Variants in XK observed in about 807,000 individuals in gnomAD.
XK encodes the protein X-linked Kx blood group antigen, Kell and VPS13A binding protein.
Under a neutral mutation model 14.0 loss-of-function variants are expected in XK, and 2 were observed. That is an observed-to-expected ratio of 0.14 (90% confidence interval 0.06 to 0.45). XK has a LOEUF of 0.45. Among genes scored for constraint, XK ranks in the 20% least tolerant of loss-of-function variants. The probability of loss-of-function intolerance (pLI) is 0.98; values close to 1 mark genes in which losing one functional copy is unlikely to be tolerated. For missense variants in XK, 235 were observed against 341.5 expected (o/e 0.69, Z 2.46); for synonymous variants, 149 against 147.5 (o/e 1.01, Z -0.08).
At chrX:37,688,204 G>A (rs1354230359) in intron 1 of XK, among the ~76,000 whole-genome samples, 4 of 108,275 alleles carry the variant, frequency 3.7e-5, no homozygotes, top group African/African-American at 1.3e-4. Flanking sequence ...GGGACTACAG[G>A]CGCCCGCCAC....
Position 37,729,151 on chromosome X carries a change from G to C in XK, c.*689G>C, listed in dbSNP as rs1286382970. The C allele has an allele frequency of 2.7e-5, 3 of 111,054 alleles. No homozygotes were observed. The highest frequency in any genetic ancestry group is 9.6e-5 in the Admixed American group (1 of 10,419). The allele number at this position is 111,054 out of a possible 1,213,427, so 9.2% of individuals were successfully genotyped here. On this transcript the variant is annotated 3_prime_UTR_variant, in exon 3 of 3. Coordinates refer to ENST00000378616, the MANE Select transcript of XK (RefSeq NM_021083.4). Reference sequence around the variant, plus strand: ...GGCCATGAAAGCCCTGGAATTTTAGGAAAGTTGTGATTCTTTGATATGTTG... The same window carrying C: ...GGCCATGAAAGCCCTGGAATTTTAGCAAAGTTGTGATTCTTTGATATGTTG...
chrX:37,725,146 C>A (rs782000322), intron 2 of XK, among the ~76,000 whole-genome samples: 1 of 111,024 alleles, frequency 9.0e-6, no homozygotes, highest in East Asian at 2.8e-4. Flanking sequence ...ACCAGAGAAT[C>A]GAATGGTAGT....
intron 2 of XK, among the ~76,000 whole-genome samples, chrX:37,702,102 A>G (rs12840180): frequency 9.0e-6 from 1 of 111,533 alleles, no homozygotes; most frequent in Non-Finnish European, 1.9e-5. Flanking sequence ...CGGCCAGGGG[A>G]GGGGGTGCTG....
chrX:37,714,548 G>T (rs915774080), intron 2 of XK, among the ~76,000 whole-genome samples: 1 of 110,767 alleles, frequency 9.0e-6, no homozygotes, highest in East Asian at 2.8e-4. Context: ...AAGAGAATAG[G>T]ATCTTCTGTA....
chrX:37,709,848 G>A (rs1451796250), intron 2 of XK, among the ~76,000 whole-genome samples: 1 of 111,664 alleles, frequency 9.0e-6, no homozygotes, highest in Non-Finnish European at 1.9e-5. Flanking sequence ...ACAATCAGAG[G>A]TGAGGATATT....
chrX:37,703,470 G>A (rs1927453214), intron 2 of XK, among the ~76,000 whole-genome samples: 1 of 112,181 alleles, frequency 8.9e-6, no homozygotes, highest in Non-Finnish European at 1.9e-5. Context: ...TTTACTTGGG[G>A]ACCCATCAGT....
intron 1 of XK, among the ~76,000 whole-genome samples, chrX:37,688,673 TAAG>T (rs1456626841): frequency 9.0e-6 from 1 of 111,697 alleles, no homozygotes; most frequent in Non-Finnish European, 1.9e-5. Flanking sequence ...CATTTTAAAT[TAAG>T]AAAAAGTTTG....
At chrX:37,715,569 T>C (rs1927750989) in intron 2 of XK, among the ~76,000 whole-genome samples, 1 of 111,872 alleles carries the variant, frequency 8.9e-6, no homozygotes. Context: ...TTGCAGGCCA[T>C]CTATGGTCTG....
At chrX:37,716,156 C>T (rs1335520823) in intron 2 of XK, among the ~76,000 whole-genome samples, 2 of 111,943 alleles carry the variant, frequency 1.8e-5, no homozygotes, top group African/African-American at 6.5e-5. Flanking sequence ...GATTCCTCAC[C>T]CACATCTCTG....
intron 2 of XK, among the ~76,000 whole-genome samples, chrX:37,727,065 A>AT (rs1927990078): frequency 8.9e-6 from 1 of 111,747 alleles, no homozygotes; most frequent in Non-Finnish European, 1.9e-5. Context: ...AGGACTCTAC[A>AT]TATTCAGACA....
At chrX:37,695,208 G>A (rs1230087897) in intron 2 of XK, among the ~76,000 whole-genome samples, 2 of 112,135 alleles carry the variant, frequency 1.8e-5, no homozygotes, top group Non-Finnish European at 3.8e-5. Context: ...ACCAGAGGCT[G>A]AAAACACAGC....
At chrX:37,719,593 T>A (rs1927830628) in intron 2 of XK, among the ~76,000 whole-genome samples, 1 of 111,475 alleles carries the variant, frequency 9.0e-6, no homozygotes, top group African/African-American at 3.3e-5. Context: ...CTATTAAACC[T>A]GTTTATTTCT....
chrX:37,705,487 G>C (rs1268893369), intron 2 of XK, among the ~76,000 whole-genome samples: 1 of 109,254 alleles, frequency 9.2e-6, no homozygotes, highest in African/African-American at 3.3e-5. Flanking sequence ...AGAAAGTTGT[G>C]ACTAGATAGT....
chrX:37,701,189 C>A (rs1415301974), intron 2 of XK, among the ~76,000 whole-genome samples: 1 of 112,187 alleles, frequency 8.9e-6, no homozygotes, highest in Non-Finnish European at 1.9e-5. Flanking sequence ...CCATTATAAA[C>A]ACAATTATCA....
chrX:37,699,687 A>T (rs2053245381), intron 2 of XK, among the ~76,000 whole-genome samples: 1 of 111,839 alleles, frequency 8.9e-6, no homozygotes, highest in Non-Finnish European at 1.9e-5. Context: ...ATTGAAACAC[A>T]TTTTTTTTGT....
At chrX:37,693,357 T>C (rs1210805923) in intron 1 of XK, among the ~76,000 whole-genome samples, 2 of 111,699 alleles carry the variant, frequency 1.8e-5, no homozygotes, top group Admixed American at 9.5e-5. Context: ...CATTTTATTA[T>C]GAAAATTTTC....
At chrX:37,718,281 C>T (rs1387682012) in intron 2 of XK, among the ~76,000 whole-genome samples, 1 of 111,272 alleles carries the variant, frequency 9.0e-6, no homozygotes, top group Non-Finnish European at 1.9e-5. Flanking sequence ...AAGCAGAAAG[C>T]CGACTTCTCA....
intron 2 of XK, among the ~76,000 whole-genome samples, chrX:37,726,308 A>G (rs1365098613): frequency 4.5e-5 from 5 of 112,147 alleles, no homozygotes; most frequent in Non-Finnish European, 7.5e-5. Context: ...GTTTATTAAA[A>G]TGAATAAATA....
intron 1 of XK, among the ~76,000 whole-genome samples, chrX:37,692,964 C>G (rs1927230582): frequency 9.3e-6 from 1 of 108,005 alleles, no homozygotes; most frequent in Admixed American, 9.8e-5. Context: ...ACAAATCAAC[C>G]CCCCCCCACA....
Sources: allele counts gnomAD v4.1 joint callset (sites outside exome capture counted in the v4.1 genomes callset), GRCh38; gene constraint gnomAD v4.1.1; transcripts MANE v1.5; gene names NCBI Gene and HGNC (gene_info 2026-07-23, HGNC 2026-07-21).